Variants in GRM7 observed in about 807,000 individuals in gnomAD.
GRM7 encodes glutamate metabotropic receptor 7, also known as metabotropic glutamate receptor 7.
In GRM7, 35 loss-of-function variants were observed where a neutral mutation model predicts 84.5. That is an observed-to-expected ratio of 0.41 (90% CI 0.32 to 0.55). The LOEUF (loss-of-function observed/expected upper bound fraction) is 0.55, where lower values mean the gene tolerates loss of function less well. Among genes scored for constraint, GRM7 ranks in the 20% least tolerant of loss-of-function variants. GRM7 has a pLI of 0.19. For missense variants in GRM7, 1,003 were observed against 1,194.6 expected, an observed-to-expected ratio of 0.84 and a Z score of 2.36; for synonymous variants, 487 against 455.1, an observed-to-expected ratio of 1.07 and a Z score of -0.89.
intron 1 of GRM7, among the ~76,000 whole-genome samples, chr3:6,984,819 G>A (rs1442653232): frequency 6.6e-6 from 1 of 152,166 alleles, no homozygotes; most frequent in Non-Finnish European, 1.5e-5. Context: ...TGTGAAGGAG[G>A]CATTCCTGGG....
intron 8 of GRM7, among the ~76,000 whole-genome samples, chr3:7,665,581 ATACT>A (rs1559474193): frequency 2.0e-5 from 3 of 152,194 alleles, no homozygotes. Context: ...CCCTTTAGAA[ATACT>A]TAGAGCTGTT....
chr3:6,951,081 T>A (rs1036920689), intron 1 of GRM7, among the ~76,000 whole-genome samples: 1 of 152,174 alleles, frequency 6.6e-6, no homozygotes, highest in African/African-American at 2.4e-5. Flanking sequence ...CCCAGTGAGA[T>A]GAACCCAGTA....
chr3:7,135,909 A>G (rs1209310404), intron 1 of GRM7, among the ~76,000 whole-genome samples: 3 of 151,970 alleles, frequency 2.0e-5, no homozygotes, highest in Admixed American at 2.0e-4. Context: ...ATTTTTAAAC[A>G]TTTCTATTAA....
chr3:7,410,817 G>A (rs898444299), intron 4 of GRM7, among the ~76,000 whole-genome samples: 15 of 152,048 alleles, frequency 9.9e-5, no homozygotes, highest in Non-Finnish European at 4.4e-5. Context: ...TACCACAACA[G>A]GATTTTTTAT....
At chr3:7,240,038 A>G (rs1221955794) in intron 2 of GRM7, among the ~76,000 whole-genome samples, 1 of 151,736 alleles carries the variant, frequency 6.6e-6, no homozygotes, top group Non-Finnish European at 1.5e-5. Flanking sequence ...AATGTCCAAT[A>G]AAGGCAGATA....
At chr3:6,929,682 A>G (rs556442402) in intron 1 of GRM7, among the ~76,000 whole-genome samples, 1 of 152,322 alleles carries the variant, frequency 6.6e-6, no homozygotes, top group Admixed American at 6.5e-5. Context: ...TATAACAGAT[A>G]AAATGGGGCC....
intron 1 of GRM7, among the ~76,000 whole-genome samples, chr3:6,887,879 C>G (rs1406939328): frequency 6.6e-6 from 1 of 152,194 alleles, no homozygotes; most frequent in African/African-American, 2.4e-5. Context: ...TCTCCACATC[C>G]TCTCCAGCAC....
Position 7,338,507 on chromosome 3 carries a change from A to T in GRM7, c.1033+31855A>T, listed in dbSNP as rs188861627. Among the ~76,000 whole-genome samples, 387 of 152,180 alleles carry T rather than the reference A, an allele frequency of 2.5e-3. 2 individuals carry two copies. The highest frequency in any genetic ancestry group is 8.5e-3 in the African/African-American group (355 of 41,546). ...GAAGCTATTGAAATAAAAATAAAAT[A>T]AAAATTAAAAATATACTAACCTTAA... On this transcript the variant is annotated intron_variant, in intron 4 of 9. Coordinates refer to ENST00000357716, the MANE Select transcript of GRM7 (RefSeq NM_000844.4).
At chr3:7,499,437 G>A (rs1480548488) in intron 7 of GRM7, among the ~76,000 whole-genome samples, 1 of 152,174 alleles carries the variant, frequency 6.6e-6, no homozygotes, top group Non-Finnish European at 1.5e-5. Flanking sequence ...GTAATCTAGA[G>A]ATCCCTGATA....
At chr3:7,732,968 C>G (rs1432450809) in intron 9 of GRM7, among the ~76,000 whole-genome samples, 5 of 152,174 alleles carry the variant, frequency 3.3e-5, no homozygotes, top group African/African-American at 9.7e-5. Context: ...CATTCCTCCC[C>G]TTTTTAGACC....
chr3:7,570,347 C>A (rs191375158), intron 7 of GRM7, among the ~76,000 whole-genome samples: 89 of 152,242 alleles, frequency 5.8e-4, no homozygotes, highest in African/African-American at 2.0e-3. Flanking sequence ...TGCTTATGAG[C>A]CTGTAAAATA....
intron 8 of GRM7, among the ~76,000 whole-genome samples, chr3:7,630,157 T>A (rs528361360): frequency 6.6e-6 from 1 of 152,302 alleles, no homozygotes; most frequent in East Asian, 1.9e-4. Flanking sequence ...ATGACAAGAA[T>A]GATTTCCAAG....
intron 1 of GRM7, among the ~76,000 whole-genome samples, chr3:6,923,047 G>T (rs1697177485): frequency 6.6e-6 from 1 of 151,518 alleles, no homozygotes; most frequent in Non-Finnish European, 1.5e-5. Context: ...ACGGAGTCTT[G>T]CTCTGTTGCC....
At chr3:7,109,019 G>A (rs771488892) in intron 1 of GRM7, among the ~76,000 whole-genome samples, 1 of 151,884 alleles carries the variant, frequency 6.6e-6, no homozygotes, top group African/African-American at 2.4e-5. Flanking sequence ...AAATTCTTTC[G>A]GGATGGAGTA....
Position 6,861,469 on chromosome 3 carries a change from G to A in GRM7, c.81G>A (p.Ala27=), listed in dbSNP as rs138762445. The change falls in exon 1 of 10, where the codon GCG becomes GCA. Residue 27 remains alanine, a synonymous_variant. Transcript: ENST00000357716. This position sits in a 1 kb window ranked among gnomAD's most constrained non-coding sequence, Gnocchi z 6.4. ...PCCVLEVLLC[A]LAAAARGQEM... The stretch of plus-strand genomic sequence containing the variant: ...GCGTGCTGGAGGTGCTCCTGTGCGC[G>A]CTGGCGGCGGCGGCGCGCGGCCAGG... 5 of 1,590,458 alleles carry A rather than the reference G, an allele frequency of 3.1e-6. No individual in the cohort carries two copies. Among genetic ancestry groups the A allele is most frequent in the African/African-American group, 2.7e-5 (2 of 73,976 alleles).
chr3:7,103,854 C>CTCTGTCTCTCTCTCTCTCTT (rs1699209352), intron 1 of GRM7, among the ~76,000 whole-genome samples: 1 of 123,582 alleles, frequency 8.1e-6, no homozygotes, highest in African/African-American at 3.6e-5. Context: ...CTCTCTCTCT[C>CTCTGTCTCTCTCTCTCTCTT]TCTTTCTTTC....
rs116049451 is a variant in GRM7, at chr3:7,351,991, C to T, written c.1033+45339C>T. On this transcript the variant is annotated intron_variant, in intron 4 of 9. Transcript: ENST00000357716. ...GCTTTTGCGATTATGTGAGCCAATT[C>T]CCCCTGATAAATATATTCATTCAGT... Among the ~76,000 whole-genome samples the T allele has an allele frequency of 2.3e-3, 350 of 151,384 alleles. 4 individuals carry two copies. Among genetic ancestry groups the T allele is most frequent in the African/African-American group, 8.1e-3 (333 of 41,256 alleles).
chr3:7,679,522 CAG>C (rs1466339491), intron 8 of GRM7, among the ~76,000 whole-genome samples: 1 of 152,092 alleles, frequency 6.6e-6, no homozygotes, highest in Admixed American at 6.6e-5. Flanking sequence ...TCTTAGTTTT[CAG>C]AGAAAGTCAA....
chr3:6,997,336 C>T (rs1419529258), intron 1 of GRM7, among the ~76,000 whole-genome samples: 1 of 152,106 alleles, frequency 6.6e-6, no homozygotes, highest in Non-Finnish European at 1.5e-5. Context: ...ATACCCATAA[C>T]TAGGTAATTT....
Sources: gnomAD v4.1 joint callset for allele counts (sites outside exome capture counted in the v4.1 genomes callset) on GRCh38, gnomAD v4.1.1 for gene constraint, Gnocchi (gnomAD v3.1) non-coding constraint, MANE v1.5 for transcripts, NCBI Gene and HGNC (gene_info 2026-07-23, HGNC 2026-07-21) for gene names.